Variants in SPTLC3 observed in about 807,000 individuals in gnomAD.
The protein encoded by SPTLC3 is serine palmitoyltransferase 3.
SPTLC3 carries 36 observed loss-of-function variants against 59.3 expected under a neutral mutation model. The observed-to-expected ratio is 0.61, with a 90% CI of 0.47 to 0.80. The LOEUF (loss-of-function observed/expected upper bound fraction) is 0.80, where lower values mean the gene tolerates loss of function less well. Among genes scored for constraint, SPTLC3 ranks in the 30% least tolerant of loss-of-function variants. The pLI, the probability that SPTLC3 is intolerant of heterozygous loss-of-function variation, is 0.00. For synonymous variants in SPTLC3, 257 were observed against 240.8 expected, an observed-to-expected ratio of 1.07 and a Z score of -0.62; for missense variants, 625 against 685.1, an observed-to-expected ratio of 0.91 and a Z score of 0.98.
chr20:13,133,334 G>A (rs147203149), intron 9 of SPTLC3, among the ~76,000 whole-genome samples: 2 of 152,016 alleles, frequency 1.3e-5, no homozygotes, highest in East Asian at 3.9e-4. Flanking sequence ...TGCTAGTCCA[G>A]GGACCAGCCT....
At chr20:13,068,066 C>T (rs749559277) in intron 2 of SPTLC3, among the ~76,000 whole-genome samples, 2 of 152,112 alleles carry the variant, frequency 1.3e-5, no homozygotes, top group Admixed American at 6.5e-5. Flanking sequence ...CCCATTTTGT[C>T]CAATCAAGTT....
At chr20:13,123,930 C>T (rs2037926875) in intron 8 of SPTLC3, among the ~76,000 whole-genome samples, 1 of 152,126 alleles carries the variant, frequency 6.6e-6, no homozygotes, top group Non-Finnish European at 1.5e-5. Flanking sequence ...ATCCCTGCTG[C>T]TGCTCCTCAG....
At chr20:13,129,193 G>T (rs995140983) in intron 9 of SPTLC3, among the ~76,000 whole-genome samples, 1 of 152,012 alleles carries the variant, frequency 6.6e-6, no homozygotes, top group African/African-American at 2.4e-5. Context: ...GTCGAGACGG[G>T]GTTTCACCAC....
intron 9 of SPTLC3, among the ~76,000 whole-genome samples, chr20:13,150,932 T>C (rs1237429979): frequency 6.6e-6 from 1 of 152,200 alleles, no homozygotes; most frequent in Non-Finnish European, 1.5e-5. Flanking sequence ...TTTGGTCCAG[T>C]CTCCCTCTTA....
intron 1 of SPTLC3, among the ~76,000 whole-genome samples, chr20:13,024,153 T>G (rs1044369733): frequency 3.3e-5 from 5 of 152,212 alleles, no homozygotes; most frequent in Admixed American, 6.5e-5. Context: ...ATCGTCATTT[T>G]TTAGATGACT....
At chr20:13,123,687 C>T (rs2122777060) in intron 8 of SPTLC3, among the ~76,000 whole-genome samples, 1 of 152,300 alleles carries the variant, frequency 6.6e-6, no homozygotes, top group South Asian at 2.1e-4. Context: ...ATTCTATGCC[C>T]ATAAGATGCC....
At chr20:13,065,743 C>T (rs2122550563) in intron 2 of SPTLC3, among the ~76,000 whole-genome samples, 1 of 151,380 alleles carries the variant, frequency 6.6e-6, no homozygotes, top group African/African-American at 2.4e-5. Flanking sequence ...TTTCTTTTAA[C>T]ATATATGCAT....
At chr20:13,083,995 G>C (rs186500492) in intron 4 of SPTLC3, among the ~76,000 whole-genome samples, 2 of 152,226 alleles carry the variant, frequency 1.3e-5, no homozygotes, top group Admixed American at 6.5e-5. Context: ...AACTTGCAAC[G>C]GTCCCCAGGC....
chr20:13,048,534 G>A (rs1030545697), intron 1 of SPTLC3, among the ~76,000 whole-genome samples: 10 of 152,168 alleles, frequency 6.6e-5, no homozygotes, highest in Non-Finnish European at 1.3e-4. Flanking sequence ...ATATTTCATA[G>A]GTTTGCTGTG....
intron 11 of SPTLC3, among the ~76,000 whole-genome samples, chr20:13,162,506 G>C (rs1042511289): frequency 6.6e-6 from 1 of 152,116 alleles, no homozygotes; most frequent in African/African-American, 2.4e-5. Context: ...AGAGAAAATG[G>C]AAAATGACCC....
intron 9 of SPTLC3, among the ~76,000 whole-genome samples, chr20:13,129,632 A>G: frequency 6.6e-6 from 1 of 152,370 alleles, no homozygotes; most frequent in South Asian, 2.1e-4. Flanking sequence ...TTTGGTCTAT[A>G]TGTCATCCGA....
chr20:13,086,209 C>A (rs912466815), intron 4 of SPTLC3, among the ~76,000 whole-genome samples: 1 of 152,180 alleles, frequency 6.6e-6, no homozygotes, highest in Non-Finnish European at 1.5e-5. Context: ...CAAGTTGACA[C>A]CTTTACTCAA....
chr20:13,131,622 A>G (rs1282553427), intron 9 of SPTLC3, among the ~76,000 whole-genome samples: 1 of 151,574 alleles, frequency 6.6e-6, no homozygotes, highest in Admixed American at 6.6e-5. Flanking sequence ...ACTCCCACAC[A>G]CTCTACTTGA....
chr20:13,160,268 C>A, intron 11 of SPTLC3, 136 bp downstream of exon 11: 2 of 1,079,092 alleles, frequency 1.9e-6, no homozygotes, highest in Non-Finnish European at 2.5e-6. Context: ...AAAGTCACTG[C>A]CAAAAAACAA....
chr20:13,033,474 GA>G (rs1164448021), intron 1 of SPTLC3, among the ~76,000 whole-genome samples: 6 of 152,162 alleles, frequency 3.9e-5, no homozygotes, highest in Admixed American at 2.0e-4. Flanking sequence ...CAACAGTGAA[GA>G]GAGGCTTTTA....
intron 7 of SPTLC3, among the ~76,000 whole-genome samples, chr20:13,112,385 C>A (rs539538482): frequency 6.8e-4 from 103 of 152,324 alleles, no homozygotes; most frequent in African/African-American, 2.4e-3. Flanking sequence ...CAACGTGGTG[C>A]TGGCTTCCAA....
At chr20:13,036,123 C>G (rs1005646204) in intron 1 of SPTLC3, among the ~76,000 whole-genome samples, 1 of 152,060 alleles carries the variant, frequency 6.6e-6, no homozygotes, top group African/African-American at 2.4e-5. Flanking sequence ...GAGGAAAGAA[C>G]TGAATTTTAC....
Position 13,110,172 on chromosome 20 carries a change from G to A in SPTLC3, c.887G>A (p.Arg296His), listed in dbSNP as rs61746220. Residue 296 changes from arginine (R) to histidine (H), a missense_variant, in exon 7 of 12, where the codon CGC (arginine) becomes CAC (histidine). Arg to His is a conservative substitution (Grantham distance 29). Transcript: ENST00000399002. ...DAVIYGQPRT[R>H]RAWKKILILV... ...GTCATCTATGGCCAGCCTCGAACCC[G>A]CAGAGCTTGGAAAAAGATTCTCATC... 5.5e-5 allele frequency: 89 copies of A among 1,613,484 alleles called. 1 individual carries two copies. Among genetic ancestry groups the A allele is most frequent in the African/African-American group, 8.0e-5 (6 of 74,930 alleles).
intron 9 of SPTLC3, among the ~76,000 whole-genome samples, chr20:13,140,422 T>C (rs112986262): frequency 0.018 from 2,765 of 152,290 alleles, 54 homozygotes; most frequent in South Asian, 0.03. Context: ...CACCCAGCCC[T>C]TGAGTAACTA....
Sources: gnomAD v4.1 joint callset for allele counts (sites outside exome capture counted in the v4.1 genomes callset) on GRCh38, gnomAD v4.1.1 for gene constraint, MANE v1.5 for transcripts, NCBI Gene and HGNC (gene_info 2026-07-23, HGNC 2026-07-21) for gene names.